GRIK1: variants seen among roughly 807,000 people sequenced by gnomAD.
GRIK1 encodes glutamate receptor ionotropic, kainate 1.
A neutral mutation model predicts 105.7 loss-of-function variants in GRIK1; 69 were observed. The ratio of observed to expected loss-of-function variants is 0.65; its 90% CI spans 0.54 to 0.80. The LOEUF is 0.80. GRIK1 is among the 30% of genes least tolerant of loss of function. The probability of loss-of-function intolerance (pLI) is 0.00; values close to 1 mark genes in which losing one functional copy is unlikely to be tolerated. For synonymous variants in GRIK1, 438 were observed against 431.3 expected (o/e 1.02, Z -0.19); for missense variants, 1,109 against 1,167.3 (o/e 0.95, Z 0.73).
chr21:29,723,010 A>G (rs2064360714), intron 1 of GRIK1, among the ~76,000 whole-genome samples: 1 of 152,192 alleles, frequency 6.6e-6, no homozygotes. Flanking sequence ...TTATTACTGG[A>G]TAAAAAGATA....
intron 1 of GRIK1, among the ~76,000 whole-genome samples, chr21:29,899,452 C>A (rs987560531): frequency 1.3e-5 from 2 of 152,014 alleles, no homozygotes; most frequent in South Asian, 4.1e-4. Flanking sequence ...TGCGTCTTTT[C>A]ATTCTTGCCT....
At chr21:29,753,841 G>A (rs2065268065) in intron 1 of GRIK1, among the ~76,000 whole-genome samples, 1 of 152,044 alleles carries the variant, frequency 6.6e-6, no homozygotes, top group Admixed American at 6.6e-5. Context: ...TTGGATTATT[G>A]GATGTTCTGT....
intron 1 of GRIK1, among the ~76,000 whole-genome samples, chr21:29,742,934 C>G (rs2064965171): frequency 6.6e-6 from 1 of 152,118 alleles, no homozygotes; most frequent in South Asian, 2.1e-4. Context: ...GTATTCTATG[C>G]TGTTTCTCTG....
rs1300260062 is a variant in GRIK1 at position 29,651,219 on chromosome 21, T to C, written c.853A>G (p.Ile285Val). 3 of 1,613,860 alleles carry C rather than the reference T, an allele frequency of 1.9e-6. No individual in the cohort carries two copies. The highest frequency in any genetic ancestry group is 1.1e-5 in the South Asian group (1 of 91,078). Reference protein sequence around the residue: ...VNMTGFRLLNIDNPHVSSIIE... With the variant: ...VNMTGFRLLNVDNPHVSSIIE... The stretch of plus-strand genomic sequence containing the variant: ...ATGGATGACACGTGAGGGTTGTCAA[T>C]GTTAAGCAGCCGAAACCCGGTCATG... Residue 285 changes from isoleucine to valine, a missense_variant, in exon 6 of 18, where the codon ATT becomes GTT. This residue lies in a region of GRIK1 where 612 missense variants were observed against 586.0 expected (regional missense o/e 1.04). Coordinates refer to ENST00000327783, the MANE Select transcript of GRIK1 (RefSeq NM_001330994.2).
chr21:29,759,361 G>A (rs60714322), intron 1 of GRIK1, among the ~76,000 whole-genome samples: 1 of 152,000 alleles, frequency 6.6e-6, no homozygotes, highest in Non-Finnish European at 1.5e-5. Flanking sequence ...CTCGTGATCC[G>A]CCCGCCTCGG....
chr21:29,654,767 C>T (rs1199274547), intron 5 of GRIK1, 43 bp downstream of exon 5: 5 of 1,093,890 alleles, frequency 4.6e-6, no homozygotes, highest in Non-Finnish European at 5.7e-6. Flanking sequence ...TGTGTGAAGA[C>T]GTTTCCTACC....
intron 1 of GRIK1, chr21:29,761,497 A>G (rs149861730): frequency 7.9e-5 from 12 of 152,324 alleles, no homozygotes; most frequent in African/African-American, 2.9e-4. Context: ...ATATTACTGT[A>G]TAACTTTCAA....
intron 7 of GRIK1, among the ~76,000 whole-genome samples, chr21:29,625,326 G>T (rs2062100809): frequency 6.6e-6 from 1 of 152,298 alleles, no homozygotes; most frequent in East Asian, 1.9e-4. Context: ...CAGAGGTTTT[G>T]TCAGGTGATT....
At chr21:29,939,291 C>A (rs1250480498) in intron 1 of GRIK1, 92 bp downstream of exon 1, 1 of 751,034 alleles carries the variant, frequency 1.3e-6, no homozygotes, top group African/African-American at 1.8e-5. Context: ...GCTCCTGCGC[C>A]GCCGCGCGCT....
intron 1 of GRIK1, among the ~76,000 whole-genome samples, chr21:29,907,815 C>A (rs542443226): frequency 6.6e-6 from 1 of 152,044 alleles, no homozygotes; most frequent in Admixed American, 6.5e-5. Flanking sequence ...AGTGTATAAT[C>A]GTGCTAACTT....
intron 16 of GRIK1, among the ~76,000 whole-genome samples, chr21:29,543,894 G>C (rs189682967): frequency 2.0e-5 from 3 of 152,296 alleles, no homozygotes; most frequent in Non-Finnish European, 2.9e-5. Flanking sequence ...GAAAGCCCCT[G>C]TCTTCCTTTC....
chr21:29,651,441 C>A, intron 5 of GRIK1, 150 bp from the exon 6 acceptor site: 1 of 572,624 alleles, frequency 1.7e-6, no homozygotes, highest in South Asian at 2.6e-5. Flanking sequence ...CTGCGGTCAA[C>A]CACAGTTGGA....
At chr21:29,577,399 T>G (rs2146241376) in intron 13 of GRIK1, among the ~76,000 whole-genome samples, 1 of 152,364 alleles carries the variant, frequency 6.6e-6, no homozygotes, top group East Asian at 1.9e-4. Context: ...TATCAGTAGC[T>G]GATGGTATTA....
At chr21:29,682,868 T>G (rs2063406965) in intron 3 of GRIK1, among the ~76,000 whole-genome samples, 2 of 152,112 alleles carry the variant, frequency 1.3e-5, no homozygotes, top group Admixed American at 1.3e-4. Context: ...GGAGAAAATG[T>G]GTGCAAACTA....
At chr21:29,653,793 A>G (rs577829701) in intron 5 of GRIK1, among the ~76,000 whole-genome samples, 1 of 152,362 alleles carries the variant, frequency 6.6e-6, no homozygotes, top group Non-Finnish European at 1.5e-5. Flanking sequence ...CCCTATGGGA[A>G]GACTATGCAA....
chr21:29,803,831 C>T (rs1465203044), intron 1 of GRIK1, among the ~76,000 whole-genome samples: 2 of 152,102 alleles, frequency 1.3e-5, no homozygotes, highest in Non-Finnish European at 2.9e-5. Flanking sequence ...AGACCCCATT[C>T]CTACCTGTAA....
At chr21:29,911,504 C>A (rs1019724438) in intron 1 of GRIK1, among the ~76,000 whole-genome samples, 1 of 151,940 alleles carries the variant, frequency 6.6e-6, no homozygotes, top group African/African-American at 2.4e-5. Context: ...CTGAGTAAAA[C>A]CTATAAAGTT....
chr21:29,766,395 T>C (rs1569068061), intron 1 of GRIK1, among the ~76,000 whole-genome samples: 1 of 152,130 alleles, frequency 6.6e-6, no homozygotes, highest in East Asian at 1.9e-4. Context: ...CTAAACATTC[T>C]GCAATGCACA....
intron 14 of GRIK1, among the ~76,000 whole-genome samples, chr21:29,572,045 G>A (rs910860150): frequency 6.6e-6 from 1 of 152,184 alleles, no homozygotes; most frequent in Admixed American, 6.5e-5. Context: ...GGAGGAGGGA[G>A]ACCCTGATGG....
Sources: allele counts gnomAD v4.1 joint callset (sites outside exome capture counted in the v4.1 genomes callset), GRCh38; gene constraint gnomAD v4.1.1; regional missense constraint gnomAD v4.1.1; transcripts MANE v1.5; gene names NCBI Gene and HGNC (gene_info 2026-07-23, HGNC 2026-07-21).